The following TNKS variants were observed in gnomAD, a reference collection of about 807,000 sequenced individuals.
The protein encoded by TNKS is tankyrase, also known as poly [ADP-ribose] polymerase tankyrase-1.
A neutral mutation model predicts 135.8 loss-of-function variants in TNKS; 72 were observed. That is an observed-to-expected ratio of 0.53 (90% CI 0.44 to 0.64). The LOEUF (loss-of-function observed/expected upper bound fraction) is 0.64, where lower values mean the gene tolerates loss of function less well. Among genes scored for constraint, TNKS ranks in the 30% least tolerant of loss-of-function variants. TNKS has a pLI of 0.00. For synonymous variants in TNKS, 849 were observed against 649.3 expected (o/e 1.31, Z -4.68); for missense variants, 1,769 against 1,674.0 (o/e 1.06, Z -0.99).
At chr8:9,593,389 A>G (rs1218527299) in intron 2 of TNKS, among the ~76,000 whole-genome samples, 1 of 152,226 alleles carries the variant, frequency 6.6e-6, no homozygotes, top group East Asian at 1.9e-4. Context: ...TGAGAAATGA[A>G]GGTTCTGTTC....
In TNKS at chr8:9,676,006, A is replaced by ATTTT. The variant is rs760646836; in HGVS notation, c.995-3925_995-3922dup. The stretch of plus-strand genomic sequence containing the variant: ...TAATGGTTGAAAGAGAAAAGTCAGA[A>ATTTT]TTTTTTTTTTTTTTTTTTTTTTTGA... On this transcript the variant is annotated intron_variant, in intron 3 of 26. Transcript: ENST00000310430. Among the ~76,000 whole-genome samples the ATTTT allele has an allele frequency of 8.4e-5, 11 of 130,836 alleles. No homozygotes were observed. In the East Asian group the frequency reaches 1.5e-3, roughly 18 times the overall value. The allele number at this position is 130,836 out of a possible 152,430, so 85.8% of individuals were successfully genotyped here.
In TNKS at chr8:9,615,622, T is replaced by G. The variant is rs751926441; in HGVS notation, c.939T>G (p.Thr313=). The change falls in exon 3 of 27, where the codon ACT becomes ACG. Residue 313 remains threonine, a synonymous_variant. Transcript: ENST00000310430. ...QHGADPNIRN[T]DGKSALDLAD... is the part of the protein sequence containing the mutation. ...GAGCTGACCCAAACATTCGGAACACTGATGGGAAATCAGCCCTGGACCTGG... is the reference window on the plus strand; with the variant it reads ...GAGCTGACCCAAACATTCGGAACACGGATGGGAAATCAGCCCTGGACCTGG... 4 of 1,613,748 alleles carry G rather than the reference T, an allele frequency of 2.5e-6. No individual in the cohort carries two copies. In the South Asian group the frequency reaches 3.3e-5, roughly 13 times the overall value.
At chr8:9,583,879 G>A (rs868367226) in intron 2 of TNKS, among the ~76,000 whole-genome samples, 1 of 151,734 alleles carries the variant, frequency 6.6e-6, no homozygotes, top group Non-Finnish European at 1.5e-5. Context: ...TAAGATCTGG[G>A]AGTCGGAGGG....
intron 3 of TNKS, among the ~76,000 whole-genome samples, chr8:9,619,533 G>A (rs1032068803): frequency 6.6e-6 from 1 of 152,192 alleles, no homozygotes; most frequent in Non-Finnish European, 1.5e-5. Context: ...TGATCCTAGT[G>A]TTTTCCTAGT....
At chr8:9,619,200 C>T (rs760613058) in intron 3 of TNKS, among the ~76,000 whole-genome samples, 1 of 152,090 alleles carries the variant, frequency 6.6e-6, no homozygotes, top group African/African-American at 2.4e-5. Context: ...AAATGAGGAG[C>T]TTTCTTTTTT....
chr8:9,580,599 A>G (rs191623876), intron 2 of TNKS, among the ~76,000 whole-genome samples: 20 of 152,314 alleles, frequency 1.3e-4, no homozygotes, highest in East Asian at 3.9e-4. Context: ...TCAAATGCCT[A>G]TTGATGTGGA....
intron 4 of TNKS, 96 bp from the exon 5 acceptor site, chr8:9,680,626 AAGC>A: frequency 1.3e-6 from 1 of 770,316 alleles, no homozygotes; most frequent in South Asian, 1.7e-5. Flanking sequence ...AAAGAAATCA[AAGC>A]AAACCCATAT....
At chr8:9,665,710 G>T (rs904520583) in intron 3 of TNKS, among the ~76,000 whole-genome samples, 1 of 152,060 alleles carries the variant, frequency 6.6e-6, no homozygotes, top group Admixed American at 6.6e-5. Flanking sequence ...AACCTCTACT[G>T]GTCTCTTTCT....
intron 3 of TNKS, among the ~76,000 whole-genome samples, chr8:9,665,798 C>G (rs1021849024): frequency 2.0e-5 from 3 of 152,102 alleles, no homozygotes; most frequent in Admixed American, 6.6e-5. Context: ...TTATTGCATG[C>G]ACCTTTACAA....
At chr8:9,745,338 C>T (rs934254511) in intron 17 of TNKS, among the ~76,000 whole-genome samples, 5 of 152,112 alleles carry the variant, frequency 3.3e-5, no homozygotes, top group African/African-American at 9.7e-5. Context: ...AATCACAAAA[C>T]ATCCTGTTCT....
chr8:9,559,438 A>G (rs1275128769), intron 1 of TNKS, among the ~76,000 whole-genome samples: 2 of 151,652 alleles, frequency 1.3e-5, no homozygotes, highest in African/African-American at 4.8e-5. Flanking sequence ...AAATGAAACA[A>G]TTTTTTTTTC....
intron 11 of TNKS, among the ~76,000 whole-genome samples, chr8:9,711,134 T>C (rs1804310001): frequency 6.6e-6 from 1 of 152,170 alleles, no homozygotes; most frequent in Non-Finnish European, 1.5e-5. Flanking sequence ...AAGTAGGGTA[T>C]AGACTCCCTA....
At chr8:9,759,517 G>A (rs980867478) in intron 20 of TNKS, among the ~76,000 whole-genome samples, 1 of 151,910 alleles carries the variant, frequency 6.6e-6, no homozygotes, top group Non-Finnish European at 1.5e-5. Context: ...TTGTTTTGTT[G>A]GTTTGGTTTG....
At chr8:9,586,472 T>G (rs1798382420) in intron 2 of TNKS, among the ~76,000 whole-genome samples, 1 of 152,158 alleles carries the variant, frequency 6.6e-6, no homozygotes. Flanking sequence ...AAAATTATAT[T>G]TTATGATTCT....
intron 26 of TNKS, chr8:9,772,255 A>C (rs1807950204): frequency 5.3e-6 from 2 of 380,666 alleles, no homozygotes; most frequent in African/African-American, 2.1e-5. Flanking sequence ...TTACTTTCAA[A>C]GGGGGCTGGG....
chr8:9,572,604 AG>A (rs764693376), intron 1 of TNKS, among the ~76,000 whole-genome samples: 10 of 152,224 alleles, frequency 6.6e-5, no homozygotes, highest in Non-Finnish European at 7.3e-5. Context: ...ATAGTAAAAC[AG>A]AAAACTTTAA....
At chr8:9,738,882 T>C (rs1244999972) in intron 17 of TNKS, among the ~76,000 whole-genome samples, 1 of 144,724 alleles carries the variant, frequency 6.9e-6, no homozygotes, top group East Asian at 2.1e-4. Context: ...TTCTGTTGAT[T>C]TGGGGTGGAG....
intron 20 of TNKS, among the ~76,000 whole-genome samples, chr8:9,757,208 C>A (rs147356456): frequency 6.6e-6 from 1 of 152,102 alleles, no homozygotes; most frequent in Non-Finnish European, 1.5e-5. Flanking sequence ...AACTCCTGAC[C>A]CCGTGATCTG....
At chr8:9,717,726 A>G (rs1184468205) in intron 11 of TNKS, among the ~76,000 whole-genome samples, 2 of 152,160 alleles carry the variant, frequency 1.3e-5, no homozygotes, top group African/African-American at 4.8e-5. Context: ...CTCTTAAGGA[A>G]CTTAAAATCT....
Sources: allele counts gnomAD v4.1 joint callset (sites outside exome capture counted in the v4.1 genomes callset), GRCh38; gene constraint gnomAD v4.1.1; transcripts MANE v1.5; gene names NCBI Gene and HGNC (gene_info 2026-07-23, HGNC 2026-07-21).